PSD3: variants seen among roughly 807,000 people sequenced by gnomAD.
The protein encoded by PSD3 is pleckstrin and Sec7 domain containing 3.
Under a neutral mutation model 105.5 loss-of-function variants are expected in PSD3, and 49 were observed. That is an observed-to-expected ratio of 0.46 (90% confidence interval 0.37 to 0.59). The LOEUF is 0.59. Ranked by LOEUF, PSD3 falls within the 20% of genes least tolerant of loss-of-function variation. The pLI is 0.00. For missense variants in PSD3, 1,561 were observed against 1,263.8 expected (o/e 1.24, Z -3.57); for synonymous variants, 557 against 457.8 (o/e 1.22, Z -2.77).
chr8:18,606,540 T>C (rs779806311), intron 11 of PSD3, among the ~76,000 whole-genome samples: 5 of 152,184 alleles, frequency 3.3e-5, no homozygotes, highest in South Asian at 2.1e-4. Context: ...TTGCAAAAAA[T>C]AGATTCTCTA....
intron 1 of PSD3, among the ~76,000 whole-genome samples, chr8:18,948,239 T>C (rs752783372): frequency 1.2e-4 from 19 of 152,230 alleles, no homozygotes; most frequent in East Asian, 5.8e-4. Flanking sequence ...ATGAAGCAGA[T>C]AGTATAAATA....
chr8:18,808,911 C>G, intron 4 of PSD3: 1 of 1,540,412 alleles, frequency 6.5e-7, no homozygotes, highest in Non-Finnish European at 8.7e-7. Context: ...CCTGTGAGGT[C>G]ACACTACTAT....
intron 9 of PSD3, chr8:18,683,717 C>T (rs1800506244): frequency 1.2e-5 from 9 of 745,992 alleles, no homozygotes; most frequent in Admixed American, 1.7e-5. Flanking sequence ...AAAGACTATC[C>T]AATTCTGTTG....
intron 14 of PSD3, among the ~76,000 whole-genome samples, chr8:18,564,162 T>G (rs1801583239): frequency 6.6e-6 from 1 of 152,106 alleles, no homozygotes; most frequent in African/African-American, 2.4e-5. Context: ...TACTAATATT[T>G]ATTACTGGGA....
At chr8:18,586,581 T>C (rs1028879037) in intron 12 of PSD3, among the ~76,000 whole-genome samples, 14 of 152,054 alleles carry the variant, frequency 9.2e-5, no homozygotes, top group African/African-American at 3.4e-4. Context: ...GTGTGGTATA[T>C]ATGTGTTTAC....
At chr8:18,763,857 T>G (rs1346134194) in intron 9 of PSD3, among the ~76,000 whole-genome samples, 1 of 152,094 alleles carries the variant, frequency 6.6e-6, no homozygotes, top group Non-Finnish European at 1.5e-5. Context: ...CCACCACCAT[T>G]TTCGGTATCA....
At chr8:19,082,905 C>T (rs1473717194) in intron 1 of PSD3, among the ~76,000 whole-genome samples, 1 of 152,178 alleles carries the variant, frequency 6.6e-6, no homozygotes, top group African/African-American at 2.4e-5. Context: ...CCTCCAAGAG[C>T]GCTACTCTGG....
chr8:18,936,611 A>C, intron 1 of PSD3, among the ~76,000 whole-genome samples: 1 of 151,892 alleles, frequency 6.6e-6, no homozygotes, highest in Non-Finnish European at 1.5e-5. Flanking sequence ...CAAATACAAA[A>C]ATTAGCCAGG....
intron 8 of PSD3, among the ~76,000 whole-genome samples, chr8:18,797,612 C>T (rs1810304526): frequency 6.6e-6 from 1 of 152,116 alleles, no homozygotes; most frequent in Admixed American, 6.6e-5. Context: ...TTGGTTGCTA[C>T]ATTTCAAGTT....
At chr8:18,907,375 T>C (rs1819913904) in intron 2 of PSD3, among the ~76,000 whole-genome samples, 1 of 152,216 alleles carries the variant, frequency 6.6e-6, no homozygotes, top group Non-Finnish European at 1.5e-5. Flanking sequence ...GGTCTCGCTG[T>C]GTTGCCCAGG....
In PSD3 at chr8:18,532,787, G is replaced by GA. The variant is rs1799686265; in HGVS notation, c.*2955dup. ...TGTAAAAGCCAGCATGCGAGGTGGG[G>GA]ACAAACCCCTAAAATTCAGATTTTA... On this transcript the variant is annotated 3_prime_UTR_variant, in exon 16 of 16. Transcript: ENST00000327040. 2.0e-5 allele frequency: 3 copies of GA among 152,152 alleles called. No individual in the cohort carries two copies. The South Asian group carries it at 6.2e-4, about 32-fold the overall frequency. The allele number at this position is 152,152 out of a possible 1,614,324, so 9.4% of individuals were successfully genotyped here. A position where few individuals can be genotyped will look rare whatever the true frequency, so the allele number is the denominator to read the frequency against.
intron 1 of PSD3, among the ~76,000 whole-genome samples, chr8:19,074,603 ATATATATATT>A (rs1829390583): frequency 2.0e-4 from 12 of 58,980 alleles, no homozygotes; most frequent in East Asian, 7.6e-4. Context: ...ATATATATAT[ATATATATATT>A]TTTTTTTTTT....
At chr8:18,907,954 A>G (rs2129462968) in intron 2 of PSD3, among the ~76,000 whole-genome samples, 1 of 152,354 alleles carries the variant, frequency 6.6e-6, no homozygotes, top group African/African-American at 2.4e-5. Flanking sequence ...TGACAGCAAT[A>G]TATCACAAAA....
At chr8:18,888,048 T>C (rs1818550533) in intron 2 of PSD3, among the ~76,000 whole-genome samples, 1 of 152,140 alleles carries the variant, frequency 6.6e-6, no homozygotes, top group Admixed American at 6.5e-5. Context: ...GCAATGTGCC[T>C]CTAAAGTCCA....
At chr8:18,986,936 A>C (rs1825529582) in intron 1 of PSD3, among the ~76,000 whole-genome samples, 1 of 152,112 alleles carries the variant, frequency 6.6e-6, no homozygotes, top group Non-Finnish European at 1.5e-5. Flanking sequence ...TTAGTGTTCC[A>C]TTAATGGAAC....
chr8:18,994,231 A>G (rs1274021617), intron 1 of PSD3, among the ~76,000 whole-genome samples: 1 of 131,956 alleles, frequency 7.6e-6, no homozygotes, highest in Non-Finnish European at 1.7e-5. Context: ...GACATTTTCA[A>G]TTTTTATAGG....
chr8:18,535,716 C>G lies in PSD3; in HGVS notation c.*27G>C. The G allele has an allele frequency of 1.3e-6, 2 of 1,555,376 alleles. No individual in the cohort carries two copies. Among genetic ancestry groups the G allele is most frequent in the Non-Finnish European group, 1.8e-6 (2 of 1,126,736 alleles). Reference sequence around the variant, plus strand: ...TGAAAAACCCTATTTTGCTCCATGACCAGCACTTCCTGGCCGCAGATGGAC... The same window carrying G: ...TGAAAAACCCTATTTTGCTCCATGAGCAGCACTTCCTGGCCGCAGATGGAC... On this transcript the variant is annotated 3_prime_UTR_variant, in exon 16 of 16. Transcript: ENST00000327040.
At chr8:18,828,047 G>GTATATA (rs368464281) in intron 4 of PSD3, among the ~76,000 whole-genome samples, 70 of 126,364 alleles carry the variant, frequency 5.5e-4, no homozygotes, top group South Asian at 2.8e-3. Context: ...ATATATATAT[G>GTATATA]TATATATATA....
chr8:19,036,262 C>T (rs185536877), intron 1 of PSD3, among the ~76,000 whole-genome samples: 4 of 152,128 alleles, frequency 2.6e-5, no homozygotes, highest in African/African-American at 9.6e-5. Flanking sequence ...TGTCAACTTC[C>T]CCAGTGGCCC....
Sources: gnomAD v4.1 joint callset for allele counts (sites outside exome capture counted in the v4.1 genomes callset) on GRCh38, gnomAD v4.1.1 for gene constraint, MANE v1.5 for transcripts, NCBI Gene and HGNC (gene_info 2026-07-23, HGNC 2026-07-21) for gene names.